The following TRIOBP variants were observed in gnomAD, a reference collection of about 807,000 sequenced individuals.
The protein encoded by TRIOBP is TRIO and F-actin-binding protein.
A neutral mutation model predicts 238.8 loss-of-function variants in TRIOBP; 169 were observed. That is an observed-to-expected ratio of 0.71 (90% CI 0.62 to 0.80). The LOEUF (loss-of-function observed/expected upper bound fraction) is 0.80. Among genes scored for constraint, TRIOBP ranks in the 30% least tolerant of loss-of-function variants. The pLI is 0.00. For missense variants in TRIOBP, 2,838 were observed against 3,122.6 expected (o/e 0.91, Z 2.17); for synonymous variants, 1,150 against 1,274.4 (o/e 0.90, Z 2.08).
At position 37,746,272 on chromosome 22, in the gene TRIOBP, G is replaced by A. The variant is rs746977547; in HGVS notation, c.5322+5240G>A. ...TGGAAGGGGCCGGGGCAGCGTCGGG[G>A]AAAGGAAGGGCCGGAGGCGCGGCGG... On this transcript the variant is annotated intron_variant, in intron 11 of 23. Transcript: ENST00000644935. 9 of 1,086,076 alleles carry A rather than the reference G, an allele frequency of 8.3e-6. No homozygotes were observed. In the African/African-American group the frequency reaches 1.0e-4, roughly 12 times the overall value. 67.3% of individuals were successfully genotyped at this position (1,086,076 alleles called of 1,614,324 possible). A position where few individuals can be genotyped will look rare whatever the true frequency, so the allele number is the denominator to read the frequency against.
intron 11 of TRIOBP, among the ~76,000 whole-genome samples, chr22:37,743,800 A>AATGTGTGT (rs1925058243): frequency 1.8e-5 from 1 of 55,338 alleles, no homozygotes; most frequent in Non-Finnish European, 3.7e-5. Flanking sequence ...AGAGAGAGAG[A>AATGTGTGT]ATGTGTGTGT....
At position 37,741,525 on chromosome 22, in the gene TRIOBP, C is replaced by T. The variant is rs1035379473; in HGVS notation, c.5322+493C>T. Among the ~76,000 whole-genome samples the T allele has an allele frequency of 1.6e-4, 25 of 152,222 alleles. No homozygotes were observed. In the South Asian group the frequency reaches 2.7e-3, roughly 16 times the overall value. ...TCCACAAGGGCAGGCAGCTGAGACC[C>T]GCTCCCTCCCACCCGCTTCACAGCA... On this transcript the variant is annotated intron_variant, in intron 11 of 23. Coordinates refer to ENST00000644935, the MANE Select transcript of TRIOBP (RefSeq NM_001039141.3).
chr22:37,710,644 A>G, intron 4 of TRIOBP, 78 bp downstream of exon 4: 1 of 1,527,224 alleles, frequency 6.5e-7, no homozygotes, highest in Non-Finnish European at 8.8e-7. Context: ...CTCCTTCCCC[A>G]AGGCAGCACC....
chr22:37,699,744 T>A (rs560412136), intron 2 of TRIOBP, among the ~76,000 whole-genome samples: 45 of 152,218 alleles, frequency 3.0e-4, no homozygotes, highest in African/African-American at 1.1e-3. Flanking sequence ...TTTGGCAATA[T>A]TGGCCAGGCT....
In TRIOBP at chr22:37,769,362, C is replaced by T; in HGVS notation, c.6836C>T (p.Ser2279Phe). Residue 2279 changes from serine (S) to phenylalanine (F), a missense_variant, in exon 21 of 24, where the codon TCC becomes TTC. Ser to Phe is a radical substitution (Grantham distance 155). Transcript: ENST00000644935. ...TGCGGGCGCAGCAACGAGCGGAGTT[C>T]CTGCGAGCTAGAGGTGAGTGTCCTC... ...NGCGRSNERS[S>F]CELEVLLRVK... is the part of the protein sequence containing the mutation. 6.2e-7 allele frequency: 1 copy of T among 1,606,400 alleles called. No homozygotes were observed. The highest frequency in any genetic ancestry group is 8.5e-7 in the Non-Finnish European group (1 of 1,177,832).
At chr22:37,709,240 G>A (rs1044567962) in intron 3 of TRIOBP, among the ~76,000 whole-genome samples, 5 of 152,198 alleles carry the variant, frequency 3.3e-5, no homozygotes, top group East Asian at 1.9e-4. Context: ...CTGTGGTGCC[G>A]ACCAGGCTGC....
At chr22:37,709,581 G>A (rs1179208518) in intron 3 of TRIOBP, among the ~76,000 whole-genome samples, 1 of 152,208 alleles carries the variant, frequency 6.6e-6, no homozygotes, top group Non-Finnish European at 1.5e-5. Context: ...AGAGCCCGCA[G>A]CCCAGGTAAT....
At position 37,725,685 on chromosome 22, in the gene TRIOBP, G is replaced by A. The variant is rs778121918; in HGVS notation, c.3129G>A (p.Glu1043=). The A allele has an allele frequency of 1.1e-5, 18 of 1,607,394 alleles. No individual in the cohort carries two copies. Among genetic ancestry groups the A allele is most frequent in the Non-Finnish European group, 1.4e-5 (16 of 1,178,054 alleles). The change falls in exon 7 of 24, where the codon GAG becomes GAA. Residue 1043 remains glutamate (E), a synonymous_variant. Transcript: ENST00000644935. ...ACGACCCCTTCCCCTTCTTCCCAGA[G>A]CCCCGCGCCCCTGAGAGTGAACCGC... is the stretch of plus-strand genomic sequence containing the variant. ...LQHDPFPFFP[E]PRAPESEPPH... is the part of the protein sequence containing the mutation.
intron 3 of TRIOBP, among the ~76,000 whole-genome samples, chr22:37,710,048 A>G (rs918678483): frequency 6.6e-6 from 1 of 152,210 alleles, no homozygotes; most frequent in African/African-American, 2.4e-5. Flanking sequence ...ACGCACATAC[A>G]TGCATGTATA....
At chr22:37,746,213 T>C (rs1255804778) in intron 11 of TRIOBP, 154 of 498,802 alleles carry the variant, frequency 3.1e-4, no homozygotes, top group Non-Finnish European at 3.7e-4. Flanking sequence ...CCCAGGAAGT[T>C]TGAAAAAAAA....
Position 37,723,567 on chromosome 22 carries a change from G to C in TRIOBP, c.1011G>C (p.Trp337Cys). The change falls in exon 7 of 24, where the codon TGG (tryptophan) becomes TGC (cysteine). Residue 337 changes from tryptophan to cysteine, a missense_variant. Physicochemically the swap from Trp to Cys is radical, Grantham distance 215 (BLOSUM62 -2). Transcript: ENST00000644935. ...CCCCCAGGGCCTCATCTACACAGTG[G>C]AACACCCCCAGAGCTTCCTCTCCCT... ...EDTPRASSTQWNTPRASSPSR... is the reference protein window; with the variant it reads ...EDTPRASSTQCNTPRASSPSR... 6.2e-7 allele frequency: 1 copy of C among 1,613,832 alleles called. No homozygotes were observed. The highest frequency in any genetic ancestry group is 8.5e-7 in the Non-Finnish European group (1 of 1,179,944).
intron 4 of TRIOBP, 64 bp from the exon 5 acceptor site, chr22:37,713,146 G>T (rs990107586): frequency 1.4e-6 from 2 of 1,461,378 alleles, no homozygotes; most frequent in African/African-American, 2.8e-5. Context: ...GAGTGCATAT[G>T]CCTGGGTGGG....
In TRIOBP at chr22:37,726,127, C is replaced by A. The variant is rs764400987; in HGVS notation, c.3571C>A (p.Pro1191Thr). The A allele has an allele frequency of 7.7e-6, 12 of 1,553,240 alleles. No homozygotes were observed. The highest frequency in any genetic ancestry group is 1.4e-5 in the African/African-American group (1 of 73,182). ...APEPSLFFQD[P>T]PGTSMESLAP... ...TGAGCCATCCCTCTTCTTCCAGGAT[C>A]CCCCTGGAACTAGTATGGAGAGCCT... The change falls in exon 7 of 24, where the codon CCC (proline) becomes ACC (threonine). Residue 1191 changes from proline to threonine, a missense_variant. Pro to Thr is a conservative substitution (Grantham distance 38). Coordinates refer to ENST00000644935, the MANE Select transcript of TRIOBP (RefSeq NM_001039141.3).
intron 12 of TRIOBP, 98 bp from the exon 13 acceptor site, chr22:37,754,779 T>C: frequency 3.1e-6 from 4 of 1,277,864 alleles, no homozygotes; most frequent in Non-Finnish European, 4.6e-6. Flanking sequence ...ATTTTCCGCC[T>C]CCCCACCCCT....
In TRIOBP at chr22:37,725,691, C is replaced by T. The variant is rs1427601219; in HGVS notation, c.3135C>T (p.Arg1045=). 4 of 1,612,866 alleles carry T rather than the reference C, an allele frequency of 2.5e-6. No individual in the cohort carries two copies. The highest frequency in any genetic ancestry group is 1.7e-5 in the Admixed American group (1 of 59,916). ...HDPFPFFPEP[R]APESEPPHHE... is the part of the protein sequence containing the mutation. ...CCTTCCCCTTCTTCCCAGAGCCCCGCGCCCCTGAGAGTGAACCGCCCCACC... is the reference window on the plus strand; with the variant it reads ...CCTTCCCCTTCTTCCCAGAGCCCCGTGCCCCTGAGAGTGAACCGCCCCACC... Residue 1045 remains arginine (R), a synonymous_variant, in exon 7 of 24, where the codon CGC becomes CGT. Coordinates refer to ENST00000644935, the MANE Select transcript of TRIOBP (RefSeq NM_001039141.3).
intron 11 of TRIOBP, among the ~76,000 whole-genome samples, chr22:37,747,373 G>T (rs1213147402): frequency 1.3e-5 from 2 of 152,216 alleles, no homozygotes; most frequent in Non-Finnish European, 2.9e-5. Flanking sequence ...TGGCCCTCCT[G>T]GGGGAGGATG....
chr22:37,762,847 G>A (rs544642547), intron 17 of TRIOBP, among the ~76,000 whole-genome samples: 10 of 152,290 alleles, frequency 6.6e-5, no homozygotes, highest in African/African-American at 2.2e-4. Flanking sequence ...CTTCCTTCAG[G>A]GGTTGGGGGC....
At chr22:37,757,474 C>A in intron 15 of TRIOBP, 139 bp from the exon 16 acceptor site, 1 of 1,181,152 alleles carries the variant, frequency 8.5e-7, no homozygotes, top group Non-Finnish European at 1.2e-6. Context: ...CCAGGAAGCT[C>A]AGGTCGGGCT....
intron 5 of TRIOBP, among the ~76,000 whole-genome samples, chr22:37,714,306 G>A (rs961850845): frequency 7.2e-5 from 11 of 152,308 alleles, no homozygotes; most frequent in African/African-American, 2.2e-4. Flanking sequence ...GAAGATGAGC[G>A]ACTTGGCACT....
Sources: gnomAD v4.1 joint callset for allele counts (sites outside exome capture counted in the v4.1 genomes callset) on GRCh38, gnomAD v4.1.1 for gene constraint, MANE v1.5 for transcripts, NCBI Gene and HGNC (gene_info 2026-07-23, HGNC 2026-07-21) for gene names.